RIPOR2: variants seen among roughly 807,000 people sequenced by gnomAD.
The protein encoded by RIPOR2 is rho family-interacting cell polarization regulator 2.
A neutral mutation model predicts 114.5 loss-of-function variants in RIPOR2; 39 were observed. The observed-to-expected ratio is 0.34, with a 90% CI of 0.26 to 0.44. The LOEUF (loss-of-function observed/expected upper bound fraction) is 0.44. Among genes scored for constraint, RIPOR2 ranks in the 20% least tolerant of loss-of-function variants. RIPOR2 has a pLI of 1.00. For synonymous variants in RIPOR2, 445 were observed against 484.4 expected, an observed-to-expected ratio of 0.92 and a Z score of 1.07; for missense variants, 1,007 against 1,255.1, an observed-to-expected ratio of 0.80 and a Z score of 2.99.
At chr6:24,850,414 CAA>C (rs1290028585) in intron 10 of RIPOR2, among the ~76,000 whole-genome samples, 181 bp downstream of exon 10, 1 of 152,088 alleles carries the variant, frequency 6.6e-6, no homozygotes, top group Non-Finnish European at 1.5e-5. Flanking sequence ...GTGGATATTT[CAA>C]AAGTGTATCT....
intron 1 of RIPOR2, among the ~76,000 whole-genome samples, chr6:24,997,901 A>C (rs2113638175): frequency 6.6e-6 from 1 of 152,298 alleles, no homozygotes; most frequent in South Asian, 2.1e-4. Flanking sequence ...ACCTACTGAA[A>C]CCAAAACTTT....
chr6:25,035,257 A>G (rs924060476), intron 1 of RIPOR2, among the ~76,000 whole-genome samples: 6 of 152,208 alleles, frequency 3.9e-5, no homozygotes, highest in Non-Finnish European at 7.3e-5. Context: ...TATGTGACCT[A>G]TGAATTATAC....
intron 12 of RIPOR2, chr6:24,847,624 A>T (rs1163856527): frequency 7.1e-6 from 11 of 1,551,716 alleles, no homozygotes; most frequent in Non-Finnish European, 9.6e-6. Context: ...CTTGGCAAAG[A>T]AAGTGTCTTG....
rs369103949 is a variant in RIPOR2, at chr6:24,921,168, CT to C, written c.61+14669del. On this transcript the variant is annotated intron_variant, in intron 1 of 21. Transcript: ENST00000643898. ...AAACCTCTTAGATCTCTCTCTCTCT[CT>C]TTTTTTTTGAGGAGACAGAGTCTTG... Among the ~76,000 whole-genome samples the C allele has an allele frequency of 4.4e-3, 669 of 150,982 alleles. 5 individuals are homozygous for C. The highest frequency in any genetic ancestry group is 6.9e-3 in the Middle Eastern group (2 of 290).
chr6:24,809,901 C>T, intron 20 of RIPOR2, 94 bp from the exon 21 acceptor site: 1 of 809,278 alleles, frequency 1.2e-6, no homozygotes, highest in Non-Finnish European at 2.1e-6. Flanking sequence ...ACTTTAGCCT[C>T]ACTTTGTTGC....
At chr6:25,009,489 A>C (rs932853723) in intron 1 of RIPOR2, among the ~76,000 whole-genome samples, 1 of 152,228 alleles carries the variant, frequency 6.6e-6, no homozygotes, top group Admixed American at 6.5e-5. Context: ...ATTCGTAGGA[A>C]ATGTTTCCTC....
intron 1 of RIPOR2, among the ~76,000 whole-genome samples, chr6:24,988,882 A>G (rs1223385845): frequency 2.0e-5 from 3 of 152,222 alleles, no homozygotes; most frequent in South Asian, 2.1e-4. Flanking sequence ...AGTGGTTGGA[A>G]CAGAGACTAT....
At chr6:25,033,621 A>T (rs1018895492) in intron 1 of RIPOR2, among the ~76,000 whole-genome samples, 3 of 152,180 alleles carry the variant, frequency 2.0e-5, no homozygotes, top group African/African-American at 7.2e-5. Flanking sequence ...CTGTCTGTCT[A>T]GATTATTCTA....
intron 1 of RIPOR2, among the ~76,000 whole-genome samples, chr6:24,933,245 G>A (rs1173639177): frequency 2.0e-5 from 3 of 152,200 alleles, no homozygotes; most frequent in African/African-American, 2.4e-5. Context: ...GGATTCATAT[G>A]TATTAAGTAC....
chr6:24,963,188 C>G (rs1773380446), intron 1 of RIPOR2, among the ~76,000 whole-genome samples: 1 of 152,196 alleles, frequency 6.6e-6, no homozygotes, highest in Non-Finnish European at 1.5e-5. Context: ...CCCACCACCA[C>G]ACCCAGCTAA....
chr6:24,982,960 T>C (rs1423212450), intron 1 of RIPOR2, among the ~76,000 whole-genome samples: 2 of 152,188 alleles, frequency 1.3e-5, no homozygotes, highest in African/African-American at 4.8e-5. Flanking sequence ...CTAAGACCAA[T>C]GTACAGCCAA....
intron 7 of RIPOR2, among the ~76,000 whole-genome samples, chr6:24,861,824 G>A (rs1764098258): frequency 6.6e-6 from 1 of 152,166 alleles, no homozygotes; most frequent in Non-Finnish European, 1.5e-5. Flanking sequence ...AGCAAATATG[G>A]CCAAATATTA....
rs1264854655 is a variant in RIPOR2, at chr6:25,005,005, ACACACACACACAC to A, written c.76+36833_76+36845del. ...ATAGGCTACACACACACACACACAC[ACACACACACACAC>A]ACACACACACACACTCTGCTGTGTC... is the stretch of plus-strand genomic sequence containing the variant. On this transcript the variant is annotated intron_variant, in intron 1 of 13. Transcript: ENST00000510784. 4.8e-3 allele frequency among the ~76,000 whole-genome samples: 728 copies of A among 151,646 alleles called. 2 individuals carry two copies. Among genetic ancestry groups the A allele is most frequent in the Non-Finnish European group, 6.9e-3 (471 of 67,852 alleles).
rs182097776 is a variant in RIPOR2 at position 24,811,426 on chromosome 6, G to A, written c.2953-1619C>T. 7.4e-3 allele frequency among the ~76,000 whole-genome samples: 1,112 copies of A among 150,956 alleles called. 13 individuals carry two copies. The highest frequency in any genetic ancestry group is 0.025 in the African/African-American group (1,043 of 41,060). On this transcript the variant is annotated intron_variant, in intron 20 of 21. Coordinates refer to ENST00000643898, the MANE Select transcript of RIPOR2 (RefSeq NM_001286445.3). ...TTTTTTTTGTATTTTTAGTAGAGAC[G>A]GGGTTTCATCATGTTGACCAGGCTG... is the stretch of plus-strand genomic sequence containing the variant.
At chr6:24,918,061 G>T (rs573313771) in intron 1 of RIPOR2, among the ~76,000 whole-genome samples, 1 of 152,194 alleles carries the variant, frequency 6.6e-6, no homozygotes, top group Non-Finnish European at 1.5e-5. Flanking sequence ...CACCTGTAGG[G>T]ACCACGTCAG....
chr6:25,000,953 G>A (rs1022113487), intron 1 of RIPOR2, among the ~76,000 whole-genome samples: 1 of 152,082 alleles, frequency 6.6e-6, no homozygotes, highest in Non-Finnish European at 1.5e-5. Flanking sequence ...AATGGAGGAG[G>A]GCCAGTCAGT....
chr6:24,839,543 C>T, intron 13 of RIPOR2: 1 of 1,421,134 alleles, frequency 7.0e-7, no homozygotes, highest in South Asian at 1.3e-5. Flanking sequence ...ATGAGTTGAT[C>T]ACTGAGGAGG....
Position 24,805,390 on chromosome 6 carries a change from G to GTT in RIPOR2, c.*981_*982dup, listed in dbSNP as rs1346268730. 6.6e-6 allele frequency: 1 copy of GTT among 151,404 alleles called. No individual in the cohort carries two copies. Among genetic ancestry groups the GTT allele is most frequent in the African/African-American group, 2.4e-5 (1 of 41,194 alleles). 9.4% of individuals were successfully genotyped at this position (151,404 alleles called of 1,614,324 possible). A position where few individuals can be genotyped will look rare whatever the true frequency, so the allele number is the denominator to read the frequency against. On this transcript the variant is annotated 3_prime_UTR_variant, in exon 22 of 22. Transcript: ENST00000643898. ...AAAAGAAACAAAATAAATTATGGGA[G>GTT]TTTTTTGTTTTTTTTTTTGAGACTG...
intron 1 of RIPOR2, among the ~76,000 whole-genome samples, chr6:25,003,107 C>T (rs1775390285): frequency 6.6e-6 from 1 of 152,084 alleles, no homozygotes; most frequent in African/African-American, 2.4e-5. Context: ...TTATTTTTAT[C>T]AAGCGGATTA....
Sources: gnomAD v4.1 joint callset for allele counts (sites outside exome capture counted in the v4.1 genomes callset) on GRCh38, gnomAD v4.1.1 for gene constraint, MANE v1.5 for transcripts, NCBI Gene and HGNC (gene_info 2026-07-23, HGNC 2026-07-21) for gene names.